VSX2: variants seen among roughly 807,000 people sequenced by gnomAD.
The protein encoded by VSX2 is visual system homeobox 2, also known as ceh-10 homeo domain containing homolog.
VSX2 carries 28 observed loss-of-function variants against 32.1 expected under a neutral mutation model. The ratio of observed to expected loss-of-function variants is 0.87; its 90% CI spans 0.65 to 1.20. VSX2 has a LOEUF of 1.20. VSX2 is among the 50% of genes most tolerant of loss of function. The pLI is 0.00. For synonymous variants in VSX2, 243 were observed against 214.1 expected (o/e 1.14, Z -1.18); for missense variants, 506 against 488.7 (o/e 1.04, Z -0.33).
intron 3 of VSX2, among the ~76,000 whole-genome samples, chr14:74,255,930 T>C (rs891390760): frequency 3.9e-5 from 6 of 152,242 alleles, no homozygotes; most frequent in Admixed American, 1.3e-4. Context: ...AACATGTACA[T>C]AAATGCTTTG....
intron 2 of VSX2, among the ~76,000 whole-genome samples, chr14:74,244,875 AG>A (rs1369721962): frequency 8.2e-6 from 1 of 122,650 alleles, no homozygotes; most frequent in East Asian, 2.1e-4. Flanking sequence ...ACAGAGAGAG[AG>A]AGAAAGTGTG....
chr14:74,254,783 G>GGTTTTTTTTTTTTTTTTT (rs1566887118), intron 3 of VSX2, among the ~76,000 whole-genome samples: 1 of 72,372 alleles, frequency 1.4e-5, no homozygotes, highest in African/African-American at 1.0e-4. Context: ...CCGAAAAGTG[G>GGTTTTTTTTTTTTTTTTT]ATTTTTTTTT....
In VSX2 at chr14:74,260,700, C is replaced by A; in HGVS notation, c.867C>A (p.Gly289=). 2 of 1,594,186 alleles carry A rather than the reference C, an allele frequency of 1.3e-6. No individual in the cohort carries two copies. The highest frequency in any genetic ancestry group is 1.7e-6 in the Non-Finnish European group (2 of 1,170,906). The change falls in exon 5 of 5, where the codon GGC becomes GGA. Residue 289 remains glycine (G), a synonymous_variant. Transcript: ENST00000261980. ...ACAAGATGGAGCAGGACGAGCGGGG[C>A]CCCGACGCTCAGGCGGCCATCTCCC... is the stretch of plus-strand genomic sequence containing the variant. ...KLDKMEQDER[G]PDAQAAISQE...
At chr14:74,259,804 G>A in intron 4 of VSX2, 22 bp downstream of exon 4, 4 of 1,458,866 alleles carry the variant, frequency 2.7e-6, no homozygotes, top group Non-Finnish European at 3.6e-6. Flanking sequence ...CACCCTCCTT[G>A]GGGTCCTGCC....
intron 3 of VSX2, among the ~76,000 whole-genome samples, chr14:74,254,146 A>G (rs1349865828): frequency 6.6e-6 from 1 of 151,082 alleles, no homozygotes; most frequent in Non-Finnish European, 1.5e-5. Context: ...GTGGGGGCTC[A>G]CGCCAGTAAT....
In VSX2 at chr14:74,260,706, C is replaced by A. The variant is rs146821562; in HGVS notation, c.873C>A (p.Asp291Glu). The change falls in exon 5 of 5, where the codon GAC becomes GAA. Residue 291 changes from aspartate to glutamate, a missense_variant. Transcript: ENST00000261980. ...TGGAGCAGGACGAGCGGGGCCCCGA[C>A]GCTCAGGCGGCCATCTCCCAGGAGG... ...DKMEQDERGP[D>E]AQAAISQEEL... 7.5e-6 allele frequency: 12 copies of A among 1,593,746 alleles called. No individual in the cohort carries two copies. Among genetic ancestry groups the A allele is most frequent in the Non-Finnish European group, 8.5e-7 (1 of 1,170,596 alleles).
intron 2 of VSX2, among the ~76,000 whole-genome samples, chr14:74,243,909 T>C (rs1328827967): frequency 6.6e-6 from 1 of 152,176 alleles, no homozygotes; most frequent in Non-Finnish European, 1.5e-5. Context: ...ACCCCTGTGC[T>C]GGCGCCAGAG....
chr14:74,244,056 G>A (rs1017520669), intron 2 of VSX2, among the ~76,000 whole-genome samples: 5 of 152,194 alleles, frequency 3.3e-5, no homozygotes, highest in Non-Finnish European at 2.9e-5. Context: ...ATTAAGGTTT[G>A]AAAAGAGAAG....
chr14:74,261,367 A>C lies in VSX2; in HGVS notation c.*448A>C. ...ACACAGACGGAGGACTGGAACTGCA[A>C]CTCCAGCGTCCTCAGCACCCCACTC... On this transcript the variant is annotated 3_prime_UTR_variant, in exon 5 of 5. Coordinates refer to ENST00000261980, the MANE Select transcript of VSX2 (RefSeq NM_182894.3). 3 of 173,958 alleles carry C rather than the reference A, an allele frequency of 1.7e-5. No individual in the cohort carries two copies. Among genetic ancestry groups the C allele is most frequent in the East Asian group, 1.5e-4 (1 of 6,726 alleles). The allele number at this position is 173,958 out of a possible 1,614,324, so 10.8% of individuals were successfully genotyped here. A position where few individuals can be genotyped will look rare whatever the true frequency, so the allele number is the denominator to read the frequency against.
At chr14:74,244,911 T>TGAGAGAGAGAGAGAGAGAGAGAGAGAGA (rs2079175968) in intron 2 of VSX2, among the ~76,000 whole-genome samples, 1 of 113,726 alleles carries the variant, frequency 8.8e-6, no homozygotes, top group Non-Finnish European at 1.9e-5. Context: ...TGTGTGTGTG[T>TGAGAGAGAGAGAGAGAGAGAGAGAGAGA]GTGTGTGTGT....
In VSX2 at chr14:74,239,892, G is replaced by A. The variant is rs1228732680; in HGVS notation, c.331G>A (p.Ala111Thr). The A allele has an allele frequency of 1.3e-6, 2 of 1,573,370 alleles. No individual in the cohort carries two copies. The highest frequency in any genetic ancestry group is 1.3e-5 in the African/African-American group (1 of 74,394). The change falls in exon 1 of 5, where the codon GCA (alanine) becomes ACA (threonine). Residue 111 changes from alanine to threonine, a missense_variant. By Grantham distance (58) the Ala-to-Thr change is moderately conservative (BLOSUM62 0). Coordinates refer to ENST00000261980, the MANE Select transcript of VSX2 (RefSeq NM_182894.3). ...CGTCCACTTGCAGCCATTGGGCAGA[G>A]CATCGGGGCCGCTGGACACCAGCCA... The part of the protein sequence containing the change: ...QSVHLQPLGR[A>T]SGPLDTSQTA...
Position 74,260,732 on chromosome 14 carries a change from A to ATT in VSX2, c.899_900insTT (p.Glu300AspfsTer3). 5 of 1,593,002 alleles carry ATT rather than the reference A, an allele frequency of 3.1e-6. No homozygotes were observed. Among genetic ancestry groups the ATT allele is most frequent in the Non-Finnish European group, 3.4e-6 (4 of 1,170,096 alleles). On this transcript the variant is annotated frameshift_variant, in exon 5 of 5. Transcript: ENST00000261980. LOFTEE classifies it high-confidence loss of function. Reference sequence around the variant, plus strand: ...GCTCAGGCGGCCATCTCCCAGGAGGAACTGAGGGAGAACAGCATTGCGGTG... The same window carrying ATT: ...GCTCAGGCGGCCATCTCCCAGGAGGATTACTGAGGGAGAACAGCATTGCGGTG...
rs756165578 is a variant in VSX2, at chr14:74,239,951, G to C, written c.370+20G>C. On this transcript the variant is annotated intron_variant, in intron 1 of 4. Coordinates refer to ENST00000261980, the MANE Select transcript of VSX2 (RefSeq NM_182894.3). ...GCTCGGGTAGGTGAGGAGAGGTTGC[G>C]CTGCTGCCTGACTGGGGGGCGACAG... The C allele has an allele frequency of 7.1e-6, 11 of 1,550,864 alleles. No individual in the cohort carries two copies. In the South Asian group the frequency reaches 1.1e-4, roughly 15 times the overall value.
chr14:74,251,804 A>G (rs1045088217), intron 3 of VSX2, among the ~76,000 whole-genome samples: 2 of 141,282 alleles, frequency 1.4e-5, no homozygotes, highest in Non-Finnish European at 3.2e-5. Context: ...CCGCGGGCGA[A>G]GTGCTGAGTG....
chr14:74,248,343 A>AC (rs1474690720), intron 3 of VSX2, among the ~76,000 whole-genome samples: 31 of 138,402 alleles, frequency 2.2e-4, no homozygotes, highest in African/African-American at 4.7e-4. Flanking sequence ...CTAAAAAAAA[A>AC]AAAAAAAACA....
chr14:74,247,365 G>A (rs1037432865), intron 3 of VSX2, among the ~76,000 whole-genome samples: 5 of 152,176 alleles, frequency 3.3e-5, no homozygotes, highest in African/African-American at 9.7e-5. Context: ...CTCCTGGCCG[G>A]GCTTCACATG....
rs1469704965 is a variant in VSX2 at position 74,261,995 on chromosome 14, T to C, written c.*1076T>C. On this transcript the variant is annotated 3_prime_UTR_variant, in exon 5 of 5. Coordinates refer to ENST00000261980, the MANE Select transcript of VSX2 (RefSeq NM_182894.3). ...CCTGGAGTAGGCCTGGGGCTATGCA[T>C]ACGCATTAAGGGCCTGCTGGAGAAA... 2.0e-5 allele frequency: 3 copies of C among 151,650 alleles called. No individual in the cohort carries two copies. The highest frequency in any genetic ancestry group is 7.3e-5 in the African/African-American group (3 of 40,878). 9.4% of individuals were successfully genotyped at this position (151,650 alleles called of 1,614,324 possible). A position where few individuals can be genotyped will look rare whatever the true frequency, so the allele number is the denominator to read the frequency against.
chr14:74,255,766 CTCTG>C (rs142143044), intron 3 of VSX2, among the ~76,000 whole-genome samples: 6,334 of 152,230 alleles, frequency 0.042, 305 homozygotes, highest in African/African-American at 0.11. Flanking sequence ...GTGGGGGCAT[CTCTG>C]TCTTTCTATA....
At position 74,239,630 on chromosome 14, in the gene VSX2, G is replaced by C; in HGVS notation, c.69G>C (p.Gly23=). The change falls in exon 1 of 5, where the codon GGG becomes GGC. Residue 23 remains glycine, a synonymous_variant. Transcript: ENST00000261980. ...KSETVAKSTS[G]GAPARCTGFG... is the part of the protein sequence containing the mutation. Reference sequence around the variant, plus strand: ...AGACAGTGGCCAAGAGTACCTCGGGGGGCGCCCCGGCCAGGTGCACTGGGT... The same window carrying C: ...AGACAGTGGCCAAGAGTACCTCGGGCGGCGCCCCGGCCAGGTGCACTGGGT... 1 of 1,551,154 alleles carries C rather than the reference G, an allele frequency of 6.4e-7. No individual in the cohort carries two copies.
Sources: gnomAD v4.1 joint callset for allele counts (sites outside exome capture counted in the v4.1 genomes callset) on GRCh38, gnomAD v4.1.1 for gene constraint, MANE v1.5 for transcripts, NCBI Gene and HGNC (gene_info 2026-07-23, HGNC 2026-07-21) for gene names.